The following SEC16A variants were observed in gnomAD, a reference collection of about 807,000 sequenced individuals.
SEC16A encodes SEC16 homolog A, endoplasmic reticulum export factor, also known as protein transport protein Sec16A.
Under a neutral mutation model 221.9 loss-of-function variants are expected in SEC16A, and 110 were observed. The observed-to-expected ratio is 0.50, with a 90% CI of 0.42 to 0.58. The LOEUF (loss-of-function observed/expected upper bound fraction) is 0.58. Ranked by LOEUF, SEC16A falls within the 20% of genes least tolerant of loss-of-function variation. SEC16A has a pLI of 0.00. For missense variants in SEC16A, 3,165 were observed against 3,097.8 expected (o/e 1.02, Z -0.52); for synonymous variants, 1,393 against 1,257.7 (o/e 1.11, Z -2.28).
In SEC16A at chr9:136,440,479, CCAAA is replaced by C. The variant is rs779105313; in HGVS notation, c.*1272_*1275del. On this transcript the variant is annotated 3_prime_UTR_variant, in exon 32 of 32. Transcript: ENST00000684901. ...AATTTCTACACTTAAATTTAAAACA[CCAAA>C]CAGTTTGTATTCCTCCAGCAGAACC... The C allele has an allele frequency of 9.2e-5, 14 of 152,770 alleles. No homozygotes were observed. The highest frequency in any genetic ancestry group is 3.4e-3 in the Middle Eastern group (1 of 294). The allele number at this position is 152,770 out of a possible 1,614,324, so 9.5% of individuals were successfully genotyped here.
At chr9:136,456,682 A>C (rs1368898340) in intron 18 of SEC16A, among the ~76,000 whole-genome samples, 3 of 152,206 alleles carry the variant, frequency 2.0e-5, no homozygotes, top group African/African-American at 7.2e-5. Context: ...GCACGTTCTC[A>C]CAAATGGAAC....
rs760764444 is a variant in SEC16A at position 136,466,252 on chromosome 9, G to A, written c.4128+12C>T. 14 of 1,582,552 alleles carry A rather than the reference G, an allele frequency of 8.8e-6. No individual in the cohort carries two copies. Among genetic ancestry groups the A allele is most frequent in the African/African-American group, 8.1e-5 (6 of 74,298 alleles). On this transcript the variant is annotated intron_variant, in intron 7 of 31. Coordinates refer to ENST00000684901, the MANE Select transcript of SEC16A (RefSeq NM_014866.2). This position sits in a 1 kb window ranked among gnomAD's most constrained non-coding sequence, Gnocchi z 5.5. ...ACAACCGTCCGCGTGTCTGTGAGGCGCCGCCGCGTACCTGGTGCGAGTGGG... is the reference window on the plus strand; with the variant it reads ...ACAACCGTCCGCGTGTCTGTGAGGCACCGCCGCGTACCTGGTGCGAGTGGG...
chr9:136,452,752 C>CAA, intron 22 of SEC16A, among the ~76,000 whole-genome samples: 1 of 118,198 alleles, frequency 8.5e-6, no homozygotes, highest in East Asian at 2.3e-4. Context: ...GGCGACAGAG[C>CAA]GAAACTATGT....
intron 31 of SEC16A, among the ~76,000 whole-genome samples, chr9:136,442,915 G>A (rs1836396210): frequency 6.6e-6 from 1 of 152,208 alleles, no homozygotes; most frequent in African/African-American, 2.4e-5. Context: ...TTAGGAAAAA[G>A]AAATAAAAAA....
chr9:136,475,954 G>A lies in SEC16A; in HGVS notation c.1662C>T (p.Pro554=), dbSNP rs766782378. The change falls in exon 3 of 32, where the codon CCC becomes CCT. Residue 554 remains proline (P), a synonymous_variant. Coordinates refer to ENST00000684901, the MANE Select transcript of SEC16A (RefSeq NM_014866.2). The surrounding 1 kb of genome is among the most constrained non-coding windows in gnomAD (Gnocchi z 5.0). ...AAAAACTACCTGAAGCTTCATCCTC[G>A]GGTTTTCCAACTTCTTGCTGAATGA... is the stretch of plus-strand genomic sequence containing the variant. ...GTFIQQEVGK[P]EDEASGSFFK... is the part of the protein sequence containing the mutation. 1.2e-5 allele frequency: 20 copies of A among 1,613,418 alleles called. No individual in the cohort carries two copies. In the South Asian group the frequency reaches 1.6e-4, roughly 13 times the overall value.
At chr9:136,457,894 C>T (rs1164995652) in intron 17 of SEC16A, among the ~76,000 whole-genome samples, 3 of 152,230 alleles carry the variant, frequency 2.0e-5, no homozygotes, top group African/African-American at 2.4e-5. Context: ...CCCAAGAGCA[C>T]GGCACTGAGA....
intron 1 of SEC16A, among the ~76,000 whole-genome samples, chr9:136,481,278 G>C (rs1055124028): frequency 6.6e-6 from 1 of 151,926 alleles, no homozygotes; most frequent in South Asian, 2.1e-4. Context: ...TGGGACTACA[G>C]GCGCCCGCCA....
intron 31 of SEC16A, 98 bp from the exon 32 acceptor site, chr9:136,441,921 C>T: frequency 9.6e-7 from 1 of 1,039,248 alleles, no homozygotes; most frequent in Non-Finnish European, 1.5e-6. Context: ...TAATGAACCA[C>T]ACGGGCCATT....
At chr9:136,481,711 T>G (rs533793968) in intron 1 of SEC16A, among the ~76,000 whole-genome samples, 1 of 152,212 alleles carries the variant, frequency 6.6e-6, no homozygotes, top group Non-Finnish European at 1.5e-5. Context: ...TGAGTTTACC[T>G]ACTGCCTACA....
chr9:136,474,620 C>T lies in SEC16A; in HGVS notation c.2996G>A (p.Ser999Asn). 1 of 1,613,120 alleles carries T rather than the reference C, an allele frequency of 6.2e-7. No homozygotes were observed. Among genetic ancestry groups the T allele is most frequent in the Admixed American group, 1.7e-5 (1 of 59,976 alleles). Residue 999 changes from serine to asparagine, a missense_variant, in exon 3 of 32, where the codon AGC becomes AAC. Physicochemically the swap from Ser to Asn is conservative, Grantham distance 46. Around this residue, in one of 3 missense-constraint regions of SEC16A, gnomAD observed 2,030 missense variants for 1,923.1 expected, o/e 1.06. Coordinates refer to ENST00000684901, the MANE Select transcript of SEC16A (RefSeq NM_014866.2). ...DTYGALDFTL[S>N]RTLENPVNVY... ...GTTTACAGGATTTTCCAAAGTCCTGCTTAAGGTAAAGTCTAGGGCTCCGTA... is the reference window on the plus strand; with the variant it reads ...GTTTACAGGATTTTCCAAAGTCCTGTTTAAGGTAAAGTCTAGGGCTCCGTA...
intron 17 of SEC16A, among the ~76,000 whole-genome samples, chr9:136,457,961 CTTTTT>C (rs1225480148): frequency 6.6e-6 from 1 of 151,902 alleles, no homozygotes; most frequent in East Asian, 1.9e-4. Context: ...ATACTTCATT[CTTTTT>C]TATTTTTTTT....
chr9:136,466,078 G>A lies in SEC16A; in HGVS notation c.4187C>T (p.Pro1396Leu). The change falls in exon 8 of 32, where the codon CCA becomes CTA. Residue 1396 changes from proline (P) to leucine (L), a missense_variant. Pro to Leu is a moderately conservative substitution (Grantham distance 98, BLOSUM62 -3). Around this residue, in one of 3 missense-constraint regions of SEC16A, gnomAD observed 2,030 missense variants for 1,923.1 expected, o/e 1.06. Coordinates refer to ENST00000684901, the MANE Select transcript of SEC16A (RefSeq NM_014866.2). The surrounding 1 kb of genome is among the most constrained non-coding windows in gnomAD (Gnocchi z 5.5). ...AAGSYEAPLP[P>L]GSFHGDFAYG... ...GGCAAAATCGCCGTGAAAGGAGCCTGGAGGAAGCGGGGCCTCGTAGGAACC... is the reference window on the plus strand; with the variant it reads ...GGCAAAATCGCCGTGAAAGGAGCCTAGAGGAAGCGGGGCCTCGTAGGAACC... 6.2e-7 allele frequency: 1 copy of A among 1,612,296 alleles called. No individual in the cohort carries two copies. Among genetic ancestry groups the A allele is most frequent in the Middle Eastern group, 1.7e-4 (1 of 6,052 alleles).
chr9:136,484,093 CCTGCGCCTTTG>C (rs1280294213), upstream of SEC16A: 1 of 161,400 alleles, frequency 6.2e-6, no homozygotes, highest in Non-Finnish European at 1.3e-5. Context: ...CAAGCTCCGC[CCTGCGCCTTTG>C]CTGCGCCGGG....
rs1407734617 is a variant in SEC16A, at chr9:136,454,157, G to T, written c.6028C>A (p.Leu2010Met). Residue 2010 changes from leucine (L) to methionine (M), a missense_variant, in exon 21 of 32, where the codon CTG becomes ATG. Around this residue, in one of 3 missense-constraint regions of SEC16A, gnomAD observed 1,088 missense variants for 1,089.6 expected, o/e 1.00. Coordinates refer to ENST00000684901, the MANE Select transcript of SEC16A (RefSeq NM_014866.2). ...GPGLPPGVPPLQERRHLLQEA... is the reference protein window; with the variant it reads ...GPGLPPGVPPMQERRHLLQEA... Reference sequence around the variant, plus strand: ...TGGAGCAAGTGTCTCCTTTCCTGCAGAGGTGGCACACCAGGTGGGAGGCCA... The same window carrying T: ...TGGAGCAAGTGTCTCCTTTCCTGCATAGGTGGCACACCAGGTGGGAGGCCA... 3 of 1,555,916 alleles carry T rather than the reference G, an allele frequency of 1.9e-6. No homozygotes were observed. The highest frequency in any genetic ancestry group is 2.6e-6 in the Non-Finnish European group (3 of 1,149,566).
Position 136,447,032 on chromosome 9 carries a change from G to A in SEC16A, c.6698-83C>T, listed in dbSNP as rs747184752. The stretch of plus-strand genomic sequence containing the variant: ...CTGAAGACACTCCGAGAGGAAGAGA[G>A]TTTCACACTGCACACGCGGCACACT... On this transcript the variant is annotated intron_variant, in intron 27 of 31. Transcript: ENST00000684901. This position sits in a 1 kb window ranked among gnomAD's most constrained non-coding sequence, Gnocchi z 5.5. 5 of 1,602,052 alleles carry A rather than the reference G, an allele frequency of 3.1e-6. No individual in the cohort carries two copies. Among genetic ancestry groups the A allele is most frequent in the Admixed American group, 3.5e-5 (2 of 57,526 alleles).
intron 28 of SEC16A, among the ~76,000 whole-genome samples, chr9:136,446,558 A>ATT (rs987438665): frequency 2.0e-5 from 3 of 152,148 alleles, no homozygotes; most frequent in African/African-American, 7.2e-5. Context: ...AAATTGTAAA[A>ATT]TATACATACT....
intron 3 of SEC16A, among the ~76,000 whole-genome samples, chr9:136,472,942 C>A (rs1841077814): frequency 6.6e-6 from 1 of 152,230 alleles, no homozygotes; most frequent in South Asian, 2.1e-4. Context: ...CGAAGTGAGG[C>A]CACGGCTTCC....
chr9:136,443,975 A>G, intron 30 of SEC16A, 75 bp from the exon 31 acceptor site: 2 of 1,022,154 alleles, frequency 2.0e-6, no homozygotes, highest in South Asian at 1.6e-5. Flanking sequence ...AGATACAGAC[A>G]CCGCTTCTGG....
chr9:136,452,769 GAAAAA>G (rs35228326), intron 22 of SEC16A, among the ~76,000 whole-genome samples: 3 of 77,948 alleles, frequency 3.8e-5, no homozygotes, highest in East Asian at 4.8e-4. Flanking sequence ...ATGTCTTAGG[GAAAAA>G]AAAAAAAAAA....
Sources: allele counts gnomAD v4.1 joint callset (sites outside exome capture counted in the v4.1 genomes callset), GRCh38; gene constraint gnomAD v4.1.1; regional missense constraint gnomAD v4.1.1; non-coding constraint Gnocchi (gnomAD v3.1); transcripts MANE v1.5; gene names NCBI Gene and HGNC (gene_info 2026-07-23, HGNC 2026-07-21).